IKBKE: variants seen among roughly 807,000 people sequenced by gnomAD.
IKBKE encodes inhibitor of nuclear factor kappa B kinase subunit epsilon, also known as inhibitor of nuclear factor kappa-B kinase subunit epsilon.
In IKBKE, 45 loss-of-function variants were observed where a neutral mutation model predicts 92.1. That is an observed-to-expected ratio of 0.49 (90% CI 0.38 to 0.63). IKBKE has a LOEUF of 0.63. Ranked by LOEUF, IKBKE falls within the 20% of genes least tolerant of loss-of-function variation. IKBKE has a pLI of 0.00. For missense variants in IKBKE, 700 were observed against 932.8 expected (o/e 0.75, Z 3.25); for synonymous variants, 374 against 380.3 (o/e 0.98, Z 0.19).
chr1:206,486,804 T>A (rs1665689519), intron 15 of IKBKE, among the ~76,000 whole-genome samples: 1 of 148,766 alleles, frequency 6.7e-6, no homozygotes, highest in Non-Finnish European at 1.5e-5. Flanking sequence ...CCAGGCCCTG[T>A]CTTTTGGATG....
intron 3 of IKBKE, among the ~76,000 whole-genome samples, chr1:206,473,654 C>T (rs1350472760): frequency 6.6e-6 from 1 of 152,126 alleles, no homozygotes; most frequent in African/African-American, 2.4e-5. Flanking sequence ...AGATGATATC[C>T]ACTCTGTCTT....
chr1:206,476,281 C>T lies in IKBKE; in HGVS notation c.459C>T (p.Tyr153=). 6.2e-7 allele frequency: 1 copy of T among 1,614,144 alleles called. No individual in the cohort carries two copies. Among genetic ancestry groups the T allele is most frequent in the Non-Finnish European group, 8.5e-7 (1 of 1,180,028 alleles). Residue 153 remains tyrosine, a synonymous_variant, in exon 6 of 22, where the codon TAC becomes TAT. Coordinates refer to ENST00000581977, the MANE Select transcript of IKBKE (RefSeq NM_014002.4). The surrounding 1 kb of genome is among the most constrained non-coding windows in gnomAD (Gnocchi z 5.1). ...TAGGGGAGGAGGGGCAGAGCATCTA[C>T]AAGCTGACAGACTTCGGCGCTGCCC... The part of the protein sequence containing the change: ...RLVGEEGQSI[Y]KLTDFGAARE...
chr1:206,492,709 C>A, intron 18 of IKBKE: 1 of 539,850 alleles, frequency 1.9e-6, no homozygotes, highest in Non-Finnish European at 3.7e-6. Flanking sequence ...CTATCCTCTG[C>A]CTCTCTGCAG....
At chr1:206,491,177 T>A (rs1665933591) in intron 17 of IKBKE, 1 of 448,538 alleles carries the variant, frequency 2.2e-6, no homozygotes, top group Non-Finnish European at 4.1e-6. Context: ...TGCCTGAACC[T>A]TCCCTGCCTC....
chr1:206,493,438 G>A, intron 20 of IKBKE, 60 bp downstream of exon 20: 3 of 1,274,396 alleles, frequency 2.4e-6, no homozygotes, highest in South Asian at 1.2e-5. Flanking sequence ...AGGGAGCAGA[G>A]TATGCTGAGG....
In IKBKE at chr1:206,479,903, T is replaced by A. The variant is rs1274014354; in HGVS notation, c.1217T>A (p.Val406Glu). The change falls in exon 11 of 22, where the codon GTG (valine) becomes GAG (glutamate). Residue 406 changes from valine to glutamate, a missense_variant. Transcript: ENST00000581977. Reference sequence around the variant, plus strand: ...GACGTCCCCAAGTTCGTCCCCAAAGTGGACCTGCAGGCGGATTACAACACT... The same window carrying A: ...GACGTCCCCAAGTTCGTCCCCAAAGAGGACCTGCAGGCGGATTACAACACT... ...ALDVPKFVPKVDLQADYNTAK... is the reference protein window; with the variant it reads ...ALDVPKFVPKEDLQADYNTAK... 6.2e-7 allele frequency: 1 copy of A among 1,613,786 alleles called. No individual in the cohort carries two copies. Among genetic ancestry groups the A allele is most frequent in the African/African-American group, 1.3e-5 (1 of 74,932 alleles).
chr1:206,471,156 C>T lies in IKBKE; in HGVS notation c.-122C>T, dbSNP rs1553383768. On this transcript the variant is annotated splice_region_variant and 5_prime_UTR_variant, in exon 2 of 22. Coordinates refer to ENST00000581977, the MANE Select transcript of IKBKE (RefSeq NM_014002.4). ...ATCCGCCCTCCTCTTTCCGGTGTAG[C>T]TCAGCTCCTGGACGTGCCACAGACA... The T allele has an allele frequency of 6.6e-6, 1 of 152,344 alleles. No homozygotes were observed. Among genetic ancestry groups the T allele is most frequent in the African/African-American group, 2.4e-5 (1 of 41,442 alleles). The allele number at this position is 152,344 out of a possible 1,614,324, so 9.4% of individuals were successfully genotyped here.
intron 15 of IKBKE, among the ~76,000 whole-genome samples, chr1:206,486,570 T>C (rs1665674244): frequency 6.6e-6 from 1 of 151,422 alleles, no homozygotes; most frequent in Non-Finnish European, 1.5e-5. Context: ...CCCTGTCCTT[T>C]TGGATGAAGG....
Position 206,478,861 on chromosome 1 carries a change from A to G in IKBKE, c.993-82A>G. 2 of 1,074,838 alleles carry G rather than the reference A, an allele frequency of 1.9e-6. No homozygotes were observed. The highest frequency in any genetic ancestry group is 2.9e-6 in the Non-Finnish European group (2 of 691,572). The allele number at this position is 1,074,838 out of a possible 1,614,324, so 66.6% of individuals were successfully genotyped here. ...AGAGCCCTGTCTATGGGCAACGCTT[A>G]GCTGGGGCTTAGGTCACCCTAGCCC... is the stretch of plus-strand genomic sequence containing the variant. On this transcript the variant is annotated intron_variant, in intron 9 of 21. Transcript: ENST00000581977. The surrounding 1 kb of genome is among the most constrained non-coding windows in gnomAD (Gnocchi z 4.8).
chr1:206,476,624 C>G lies in IKBKE; in HGVS notation c.541-54C>G, dbSNP rs1321607738. On this transcript the variant is annotated intron_variant, in intron 6 of 21. Transcript: ENST00000581977. The surrounding 1 kb of genome is among the most constrained non-coding windows in gnomAD (Gnocchi z 5.1). ...CGGTGAAAGGGGGTCTGACAGGTCT[C>G]AGGCCCTTGCCAGCCCTCCGGCTCC... 20 of 1,605,562 alleles carry G rather than the reference C, an allele frequency of 1.2e-5. No homozygotes were observed. In the Admixed American group the frequency reaches 3.4e-4, roughly 27 times the overall value.
chr1:206,495,978 G>A, intron 21 of IKBKE, 134 bp from the exon 22 acceptor site: 1 of 608,130 alleles, frequency 1.6e-6, no homozygotes, highest in Non-Finnish European at 3.0e-6. Flanking sequence ...GTCGGGGAGT[G>A]AGGGTGCTAC....
intron 16 of IKBKE, among the ~76,000 whole-genome samples, chr1:206,489,575 G>A (rs901597164): frequency 1.1e-4 from 17 of 151,896 alleles, no homozygotes; most frequent in South Asian, 2.1e-4. Flanking sequence ...GTGGGCATGC[G>A]CCTGTAGTCC....
chr1:206,496,327 A>C lies in IKBKE; in HGVS notation c.*182A>C. 1.7e-6 allele frequency: 1 copy of C among 605,384 alleles called. No individual in the cohort carries two copies. Among genetic ancestry groups the C allele is most frequent in the Admixed American group, 2.7e-5 (1 of 36,918 alleles). 37.5% of individuals were successfully genotyped at this position (605,384 alleles called of 1,614,324 possible). A position where few individuals can be genotyped will look rare whatever the true frequency, so the allele number is the denominator to read the frequency against. ...TGCCTTTCTCCCTGGGAAGCAGCAC[A>C]GCTGAGACTGGGCACCAGGCCACCT... On this transcript the variant is annotated 3_prime_UTR_variant, in exon 22 of 22. Coordinates refer to ENST00000581977, the MANE Select transcript of IKBKE (RefSeq NM_014002.4).
rs782317284 is a variant in IKBKE at position 206,476,168 on chromosome 1, C to A, written c.359-13C>A. 1.2e-6 allele frequency: 2 copies of A among 1,613,516 alleles called. No homozygotes were observed. The highest frequency in any genetic ancestry group is 1.7e-6 in the Non-Finnish European group (2 of 1,179,882). ...GACCAGAGCCAGCTAGTGGCCTCCCCGTCTGTCCCCAGTGGCCGGCATGAA... is the reference window on the plus strand; with the variant it reads ...GACCAGAGCCAGCTAGTGGCCTCCCAGTCTGTCCCCAGTGGCCGGCATGAA... On this transcript the variant is annotated splice_polypyrimidine_tract_variant and intron_variant, in intron 5 of 21. Coordinates refer to ENST00000581977, the MANE Select transcript of IKBKE (RefSeq NM_014002.4). The surrounding 1 kb of genome is among the most constrained non-coding windows in gnomAD (Gnocchi z 5.1).
In IKBKE at chr1:206,492,571, C is replaced by T. The variant is rs141210710; in HGVS notation, c.1836-452C>T. The T allele has an allele frequency of 8.9e-5, 42 of 472,068 alleles. No individual in the cohort carries two copies. In the East Asian group the frequency reaches 2.6e-3, roughly 29 times the overall value. The allele number at this position is 472,068 out of a possible 1,614,324, so 29.2% of individuals were successfully genotyped here. ...TGTGTGGCGAGGGCTGACCTCCAAC[C>T]CCTGATTTAACAGCTCTGGGCCTTG... On this transcript the variant is annotated intron_variant, in intron 18 of 21. Transcript: ENST00000581977.
At chr1:206,475,959 G>T (rs987575781) in intron 5 of IKBKE, among the ~76,000 whole-genome samples, 1 of 152,024 alleles carries the variant, frequency 6.6e-6, no homozygotes, top group Non-Finnish European at 1.5e-5. Flanking sequence ...CACCCATCTT[G>T]GTTTCCTAGA....
intron 20 of IKBKE, 79 bp downstream of exon 20, chr1:206,493,457 T>C: frequency 8.9e-7 from 1 of 1,119,914 alleles, no homozygotes; most frequent in Non-Finnish European, 1.3e-6. Flanking sequence ...GGTTAGAGCC[T>C]GAGGGGTTTG....
At chr1:206,493,469 C>T (rs1666059421) in intron 20 of IKBKE, 91 bp downstream of exon 20, 4 of 974,880 alleles carry the variant, frequency 4.1e-6, no homozygotes, top group South Asian at 1.4e-5. Context: ...AGGGGTTTGG[C>T]GTCATGCCAG....
intron 12 of IKBKE, 37 bp from the exon 13 acceptor site, chr1:206,480,405 CCCCCG>C (rs1558477664): frequency 6.6e-7 from 1 of 1,509,570 alleles, no homozygotes; most frequent in South Asian, 1.1e-5. Context: ...GGTGCTGAGT[CCCCCG>C]ATCAAGGCAG....
Sources: allele counts gnomAD v4.1 joint callset (sites outside exome capture counted in the v4.1 genomes callset), GRCh38; gene constraint gnomAD v4.1.1; non-coding constraint Gnocchi (gnomAD v3.1); transcripts MANE v1.5; gene names NCBI Gene and HGNC (gene_info 2026-07-23, HGNC 2026-07-21).